MASP1: variants seen among roughly 807,000 people sequenced by gnomAD.
The protein encoded by MASP1 is MBL associated serine protease 1, also known as mannan-binding lectin serine protease 1.
MASP1 carries 59 observed loss-of-function variants against 77.1 expected under a neutral mutation model. The ratio of observed to expected loss-of-function variants is 0.77; its 90% confidence interval spans 0.62 to 0.95. The LOEUF (loss-of-function observed/expected upper bound fraction) is 0.95, where lower values mean the gene tolerates loss of function less well. MASP1 is among the 40% of genes least tolerant of loss of function. The probability of loss-of-function intolerance (pLI) is 0.00; values close to 1 mark genes in which losing one functional copy is unlikely to be tolerated. For synonymous variants in MASP1, 362 were observed against 354.5 expected (o/e 1.02, Z -0.24); for missense variants, 885 against 912.9 (o/e 0.97, Z 0.39).
intron 5 of MASP1, among the ~76,000 whole-genome samples, chr3:187,254,745 G>C (rs923508474): frequency 2.0e-5 from 3 of 152,212 alleles, no homozygotes; most frequent in South Asian, 2.1e-4. Context: ...GGGGGCAGTG[G>C]GGGAGAGAAG....
intron 5 of MASP1, among the ~76,000 whole-genome samples, chr3:187,253,654 A>C (rs1198829165): frequency 6.6e-6 from 1 of 152,238 alleles, no homozygotes; most frequent in Admixed American, 6.5e-5. Flanking sequence ...AATACTATGC[A>C]TCCATACAAA....
chr3:187,260,962 A>C, intron 3 of MASP1, 90 bp from the exon 4 acceptor site: 1 of 1,428,048 alleles, frequency 7.0e-7, no homozygotes, highest in Non-Finnish European at 9.9e-7. Flanking sequence ...TGGGCCACTC[A>C]CTATGTTAGG....
intron 10 of MASP1, among the ~76,000 whole-genome samples, chr3:187,240,966 A>G (rs1361667331): frequency 6.6e-6 from 1 of 152,198 alleles, no homozygotes; most frequent in African/African-American, 2.4e-5. Flanking sequence ...AAATATCCTC[A>G]AAATCTGTAT....
intron 1 of MASP1, among the ~76,000 whole-genome samples, chr3:187,287,742 A>G (rs1183844676): frequency 1.3e-5 from 2 of 152,232 alleles, no homozygotes; most frequent in Non-Finnish European, 2.9e-5. Context: ...CTAAAAAGTC[A>G]ATGCTGGGAA....
intron 2 of MASP1, among the ~76,000 whole-genome samples, chr3:187,271,070 A>G (rs1716479635): frequency 6.6e-6 from 1 of 152,262 alleles, no homozygotes; most frequent in South Asian, 2.1e-4. Flanking sequence ...TTTGGGACAA[A>G]GAATAGGCTC....
downstream of MASP1, among the ~76,000 whole-genome samples, chr3:187,232,236 C>A (rs77927852): frequency 6.6e-6 from 1 of 151,778 alleles, no homozygotes; most frequent in African/African-American, 2.4e-5. Context: ...TCCCCCCCCC[C>A]CCTTTTTTTT....
At chr3:187,246,489 A>G (rs1399999304) in intron 8 of MASP1, 1 of 985,334 alleles carries the variant, frequency 1.0e-6, no homozygotes, top group African/African-American at 1.7e-5. Context: ...CTCACCGCAC[A>G]GCCATTTAAT....
intron 13 of MASP1, among the ~76,000 whole-genome samples, chr3:187,224,075 T>A (rs1717303813): frequency 2.0e-5 from 3 of 152,226 alleles, no homozygotes; most frequent in South Asian, 2.1e-4. Context: ...TAAATACTCC[T>A]CAGATTACAT....
intron 2 of MASP1, among the ~76,000 whole-genome samples, chr3:187,272,738 T>C (rs1716627287): frequency 6.6e-6 from 1 of 152,130 alleles, no homozygotes; most frequent in Non-Finnish European, 1.5e-5. Flanking sequence ...TCTGGAGCCC[T>C]CAGAAGGAGC....
chr3:187,241,506 C>T lies in MASP1; in HGVS notation c.1278G>A (p.Gly426=). 1 of 1,613,658 alleles carries T rather than the reference C, an allele frequency of 6.2e-7. No homozygotes were observed. Residue 426 remains glycine, a synonymous_variant, in exon 10 of 11, where the codon GGG becomes GGA. Coordinates refer to ENST00000296280, the MANE Select transcript of MASP1 (RefSeq NM_139125.4). The part of the protein sequence containing the change: ...AQGVWMNKVL[G]RSLPTCLPEC... ...CTGGAAGGCAGGTGGGTAGGCTTCT[C>T]CCCAATACTTTATTCATCCAGACTC...
intron 2 of MASP1, among the ~76,000 whole-genome samples, chr3:187,269,887 A>G (rs1308322588): frequency 2.0e-5 from 3 of 152,178 alleles, no homozygotes; most frequent in Admixed American, 2.0e-4. Flanking sequence ...TTTGTGTGTC[A>G]TCTAATTCTA....
At chr3:187,271,477 C>T (rs771136599) in intron 2 of MASP1, among the ~76,000 whole-genome samples, 19 of 151,850 alleles carry the variant, frequency 1.3e-4, no homozygotes, top group Admixed American at 2.6e-4. Context: ...TCACATTAAT[C>T]GAGGGTTTAT....
intron 2 of MASP1, among the ~76,000 whole-genome samples, chr3:187,272,900 T>C (rs1055382131): frequency 6.6e-6 from 1 of 152,248 alleles, no homozygotes; most frequent in Admixed American, 6.5e-5. Flanking sequence ...TCTCTGTATA[T>C]AGTTTTTCTC....
intron 14 of MASP1, among the ~76,000 whole-genome samples, chr3:187,222,875 G>A (rs72549258): frequency 4.6e-5 from 7 of 152,262 alleles, no homozygotes; most frequent in Non-Finnish European, 1.0e-4. Flanking sequence ...ATTTTCATAA[G>A]CTAAGCCTTT....
In MASP1 at chr3:187,220,044, G is replaced by C. The variant is rs571563506; in HGVS notation, c.*27C>G. The C allele has an allele frequency of 1.9e-5, 31 of 1,610,846 alleles. No homozygotes were observed. The East Asian group carries it at 5.1e-4, about 27-fold the overall frequency. ...CCTCTGCTACTGACTGCCCACAGCT[G>C]GTGGTGCTGGGGCTGAGGAGCCAAA... On this transcript the variant is annotated 3_prime_UTR_variant, in exon 16 of 16. Transcript: ENST00000337774.
At chr3:187,229,669 G>A (rs1712647799), downstream of MASP1, 12 of 1,515,472 alleles carry the variant, frequency 7.9e-6, no homozygotes, top group Non-Finnish European at 1.1e-5. Context: ...TGATGCTAGT[G>A]TGCACAATGA....
At chr3:187,289,165 A>G (rs1718097366) in intron 1 of MASP1, among the ~76,000 whole-genome samples, 1 of 141,778 alleles carries the variant, frequency 7.1e-6, no homozygotes, top group African/African-American at 3.0e-5. Context: ...TAGAGCTGAG[A>G]TTTCAGAGGC....
intron 10 of MASP1, among the ~76,000 whole-genome samples, chr3:187,239,014 A>G (rs1425570176): frequency 6.6e-6 from 1 of 152,130 alleles, no homozygotes; most frequent in Non-Finnish European, 1.5e-5. Context: ...TGTATCCAAG[A>G]TGCTTTGTAC....
At chr3:187,222,360 A>G (rs561630420) in intron 14 of MASP1, among the ~76,000 whole-genome samples, 1 of 152,334 alleles carries the variant, frequency 6.6e-6, no homozygotes, top group South Asian at 2.1e-4. Flanking sequence ...AGTAGCTAGT[A>G]CAGTGTCTGG....
Sources: allele counts gnomAD v4.1 joint callset (sites outside exome capture counted in the v4.1 genomes callset), GRCh38; gene constraint gnomAD v4.1.1; transcripts MANE v1.5; gene names NCBI Gene and HGNC (gene_info 2026-07-23, HGNC 2026-07-21).